The following NR2F1-AS1 variants were observed in gnomAD, a reference collection of about 807,000 sequenced individuals.
NR2F1-AS1 encodes the protein NR2F1 regulatory antisense RNA 1, also known as NR2F1 antisense RNA 1.
intron 4 of NR2F1-AS1, among the ~76,000 whole-genome samples, chr5:93,524,903 A>T (rs560482862): frequency 6.6e-6 from 1 of 152,348 alleles, no homozygotes; most frequent in South Asian, 2.1e-4. Flanking sequence ...CTGCAAAAAC[A>T]TACCAAATTG....
chr5:93,493,487 A>C (rs1229049041), intron 4 of NR2F1-AS1, among the ~76,000 whole-genome samples: 1 of 152,092 alleles, frequency 6.6e-6, no homozygotes, highest in Admixed American at 6.6e-5. Context: ...TACCCAAATC[A>C]ATCTACAGTT....
At chr5:93,443,906 A>C (rs1434181842) in intron 4 of NR2F1-AS1, among the ~76,000 whole-genome samples, 2 of 152,192 alleles carry the variant, frequency 1.3e-5, no homozygotes, top group African/African-American at 2.4e-5. Flanking sequence ...CAACATTCTT[A>C]AGGGAAACAA....
At chr5:93,493,846 C>T (rs532422421) in intron 4 of NR2F1-AS1, among the ~76,000 whole-genome samples, 1 of 152,004 alleles carries the variant, frequency 6.6e-6, no homozygotes, top group Admixed American at 6.5e-5. Context: ...AAAAAAAAAC[C>T]TCCAAATGGA....
At chr5:93,500,341 A>T (rs560595542) in intron 4 of NR2F1-AS1, among the ~76,000 whole-genome samples, 1 of 152,306 alleles carries the variant, frequency 6.6e-6, no homozygotes, top group East Asian at 1.9e-4. Context: ...GGGGCCCTTA[A>T]GAATTATGCT....
At chr5:93,428,581 T>A (rs1749243041) in intron 4 of NR2F1-AS1, among the ~76,000 whole-genome samples, 1 of 152,196 alleles carries the variant, frequency 6.6e-6, no homozygotes, top group South Asian at 2.1e-4. Context: ...TTTCCAGTTT[T>A]GTATTTTAAA....
At chr5:93,457,988 G>A (rs754505747) in intron 4 of NR2F1-AS1, among the ~76,000 whole-genome samples, 3 of 152,080 alleles carry the variant, frequency 2.0e-5, no homozygotes, top group Non-Finnish European at 1.5e-5. Context: ...GGAATCTCTC[G>A]TTAACTTGTC....
rs1421786677 is a variant in NR2F1-AS1, at chr5:93,565,579, C to T, written n.314-2116G>A. On this transcript the variant is annotated intron_variant and non_coding_transcript_variant, in intron 1 of 5. Coordinates refer to ENST00000660523, the Ensembl canonical transcript of NR2F1-AS1. ...ATTGTACTGTTAATATTTTATTTCT[C>T]GAACTGGGTTTGGGGTATATGGATG... Among the ~76,000 whole-genome samples the T allele has an allele frequency of 3.3e-5, 5 of 152,032 alleles. 1 individual carries two copies. The highest frequency in any genetic ancestry group is 1.3e-4 in the Admixed American group (2 of 15,270).
chr5:93,552,257 A>G (rs1258117856), intron 4 of NR2F1-AS1, among the ~76,000 whole-genome samples: 1 of 152,198 alleles, frequency 6.6e-6, no homozygotes, highest in East Asian at 1.9e-4. Context: ...TCAGTAGAGG[A>G]CTTCAAAGTG....
At chr5:93,504,435 A>G (rs1385779654) in intron 4 of NR2F1-AS1, among the ~76,000 whole-genome samples, 12 of 152,230 alleles carry the variant, frequency 7.9e-5, no homozygotes, top group Admixed American at 5.9e-4. Context: ...TTAAAGAAAC[A>G]GGTAACCCCT....
chr5:93,544,759 T>C (rs1225803312), intron 4 of NR2F1-AS1: 3 of 151,712 alleles, frequency 2.0e-5, no homozygotes, highest in Admixed American at 6.6e-5. Flanking sequence ...CCATCTCTAC[T>C]AAAAATACAA....
At chr5:93,459,728 C>T (rs968691929) in intron 4 of NR2F1-AS1, among the ~76,000 whole-genome samples, 6 of 152,116 alleles carry the variant, frequency 3.9e-5, no homozygotes, top group African/African-American at 1.4e-4. Context: ...CATACTGTCT[C>T]AGAAAAGGAG....
intron 2 of NR2F1-AS1, among the ~76,000 whole-genome samples, chr5:93,555,340 T>A (rs895106783): frequency 6.6e-6 from 1 of 152,182 alleles, no homozygotes; most frequent in Non-Finnish European, 1.5e-5. Context: ...CTTTAAAGAA[T>A]GAGTTGCTGC....
chr5:93,447,970 G>A (rs1749751475), intron 4 of NR2F1-AS1, among the ~76,000 whole-genome samples: 1 of 152,110 alleles, frequency 6.6e-6, no homozygotes, highest in African/African-American at 2.4e-5. Context: ...AACACCATAT[G>A]TTCTCACTCA....
intron 4 of NR2F1-AS1, among the ~76,000 whole-genome samples, chr5:93,485,588 A>G (rs145158500): frequency 0.014 from 2,199 of 152,298 alleles, 61 homozygotes; most frequent in African/African-American, 0.05. Flanking sequence ...AAGCTAGCAG[A>G]AGAAAAGAAA....
intron 4 of NR2F1-AS1, among the ~76,000 whole-genome samples, chr5:93,522,596 C>A (rs1361295558): frequency 6.6e-6 from 1 of 152,212 alleles, no homozygotes; most frequent in African/African-American, 2.4e-5. Context: ...CAGCTCCCAG[C>A]AAGATCAACG....
intron 4 of NR2F1-AS1, among the ~76,000 whole-genome samples, chr5:93,494,286 A>T (rs1750913177): frequency 6.6e-6 from 1 of 152,172 alleles, no homozygotes; most frequent in Non-Finnish European, 1.5e-5. Flanking sequence ...AAAATGCAGA[A>T]TGAGATGCCA....
At position 93,469,673 on chromosome 5, in the gene NR2F1-AS1, G is replaced by A. The variant is rs148895795; in HGVS notation, n.639-74131C>T. Among the ~76,000 whole-genome samples the A allele has an allele frequency of 4.3e-3, 647 of 152,138 alleles. 1 individual carries two copies. Among genetic ancestry groups the A allele is most frequent in the Non-Finnish European group, 7.1e-3 (479 of 67,930 alleles). On this transcript the variant is annotated intron_variant and non_coding_transcript_variant, in intron 4 of 5. Transcript: ENST00000660523. ...TTCCTTGCACACAGTAAATACTCAA[G>A]AAATACATGTTGAATCAATAGATAC...
intron 4 of NR2F1-AS1, among the ~76,000 whole-genome samples, chr5:93,466,916 G>GGA (rs1554065138): frequency 4.1e-5 from 5 of 123,102 alleles, no homozygotes; most frequent in Non-Finnish European, 8.9e-5. Context: ...GGGGGGGGGG[G>GGA]GGTGGACGGA....
At chr5:93,507,450 C>G (rs564823367) in intron 4 of NR2F1-AS1, among the ~76,000 whole-genome samples, 3 of 152,220 alleles carry the variant, frequency 2.0e-5, no homozygotes, top group African/African-American at 7.2e-5. Context: ...CTCTGCCTCC[C>G]AGGTTCAAGC....
Sources: allele counts gnomAD v4.1 joint callset (sites outside exome capture counted in the v4.1 genomes callset), GRCh38; gene constraint gnomAD v4.1.1; transcripts MANE v1.5; gene names NCBI Gene and HGNC (gene_info 2026-07-23, HGNC 2026-07-21).